The following NUBPL variants were observed in gnomAD, a reference collection of about 807,000 sequenced individuals.
NUBPL encodes NUBP iron-sulfur cluster assembly factor, mitochondrial, also known as iron-sulfur cluster transfer protein NUBPL.
NUBPL carries 31 observed loss-of-function variants against 45.7 expected under a neutral mutation model. The ratio of observed to expected loss-of-function variants is 0.68; its 90% CI spans 0.51 to 0.92. The LOEUF is 0.92. Among genes scored for constraint, NUBPL ranks in the 40% least tolerant of loss-of-function variants. The pLI, the probability that NUBPL is intolerant of heterozygous loss-of-function variation, is 0.00. For missense variants in NUBPL, 401 were observed against 398.7 expected (o/e 1.01, Z -0.05); for synonymous variants, 144 against 140.9 (o/e 1.02, Z -0.15).
intron 4 of NUBPL, among the ~76,000 whole-genome samples, chr14:31,614,593 A>G (rs769392582): frequency 6.6e-6 from 1 of 152,200 alleles, no homozygotes; most frequent in African/African-American, 2.4e-5. Flanking sequence ...AAATTATGAA[A>G]TTTGCTCTTA....
intron 4 of NUBPL, among the ~76,000 whole-genome samples, chr14:31,636,783 A>G (rs2035516431): frequency 6.6e-6 from 1 of 152,218 alleles, no homozygotes; most frequent in East Asian, 1.9e-4. Flanking sequence ...TTATTGGTCT[A>G]TTCAGAGATT....
intron 3 of NUBPL, among the ~76,000 whole-genome samples, chr14:31,592,683 A>G (rs1429936152): frequency 2.0e-5 from 3 of 152,048 alleles, no homozygotes; most frequent in Admixed American, 6.6e-5. Context: ...TATTATTATG[A>G]TCCTGCTGGT....
At chr14:31,811,835 T>C (rs1444359666) in intron 7 of NUBPL, among the ~76,000 whole-genome samples, 2 of 152,216 alleles carry the variant, frequency 1.3e-5, no homozygotes, top group Non-Finnish European at 2.9e-5. Flanking sequence ...ATGCTGATGC[T>C]ATTCCTTTCT....
At chr14:31,596,986 A>G (rs981673213) in intron 3 of NUBPL, among the ~76,000 whole-genome samples, 9 of 152,184 alleles carry the variant, frequency 5.9e-5, no homozygotes, top group Non-Finnish European at 1.3e-4. Flanking sequence ...TGATTTGTCC[A>G]TAGGGCTGGC....
intron 7 of NUBPL, among the ~76,000 whole-genome samples, chr14:31,790,654 A>T (rs1595630867): frequency 6.6e-6 from 1 of 151,784 alleles, no homozygotes; most frequent in East Asian, 2.0e-4. Context: ...GATCGAGACC[A>T]TCCTGGCTAA....
At chr14:31,821,898 C>G (rs1445112829) in intron 7 of NUBPL, among the ~76,000 whole-genome samples, 2 of 152,218 alleles carry the variant, frequency 1.3e-5, no homozygotes, top group African/African-American at 2.4e-5. Flanking sequence ...GTGGATGGAA[C>G]TGGATGCCAT....
chr14:31,749,901 C>T (rs1192029713), intron 6 of NUBPL, among the ~76,000 whole-genome samples: 1 of 151,964 alleles, frequency 6.6e-6, no homozygotes, highest in Non-Finnish European at 1.5e-5. Flanking sequence ...TTTTTATTCT[C>T]CTTTTTTGTT....
At chr14:31,837,766 A>G (rs2040305113) in intron 8 of NUBPL, among the ~76,000 whole-genome samples, 1 of 152,212 alleles carries the variant, frequency 6.6e-6, no homozygotes, top group Admixed American at 6.5e-5. Flanking sequence ...GGAAGAGGAT[A>G]TACAAATGAC....
At chr14:31,739,010 A>ATGTG (rs758682632) in intron 6 of NUBPL, among the ~76,000 whole-genome samples, 3 of 150,362 alleles carry the variant, frequency 2.0e-5, no homozygotes, top group Admixed American at 6.6e-5. Flanking sequence ...AGAGTTTTTT[A>ATGTG]TTTGTTTGTT....
chr14:31,561,584 C>T (rs1397009931), intron 1 of NUBPL, 37 bp downstream of exon 1: 18 of 1,282,728 alleles, frequency 1.4e-5, no homozygotes, highest in Non-Finnish European at 1.8e-5. Flanking sequence ...AGCGGGCTGA[C>T]AGATGCTGGG....
chr14:31,705,243 T>G (rs1347334902), intron 6 of NUBPL, among the ~76,000 whole-genome samples: 3 of 152,184 alleles, frequency 2.0e-5, no homozygotes, highest in Non-Finnish European at 4.4e-5. Flanking sequence ...CAGACCTTCA[T>G]GGTGAGTGTT....
chr14:31,805,307 A>G (rs1272736348), intron 7 of NUBPL, among the ~76,000 whole-genome samples: 1 of 152,186 alleles, frequency 6.6e-6, no homozygotes, highest in East Asian at 1.9e-4. Flanking sequence ...ACACTTATAC[A>G]CTGTTGGTGA....
intron 7 of NUBPL, among the ~76,000 whole-genome samples, chr14:31,805,897 G>A (rs1194879206): frequency 2.0e-5 from 3 of 150,372 alleles, no homozygotes; most frequent in East Asian, 1.9e-4. Flanking sequence ...ATGTAACCCC[G>A]AACCTAAAAT....
chr14:31,699,512 G>T (rs1352136829), intron 6 of NUBPL, among the ~76,000 whole-genome samples: 1 of 152,150 alleles, frequency 6.6e-6, no homozygotes, highest in Admixed American at 6.5e-5. Flanking sequence ...CTTGGGCAGG[G>T]TCCTACTTGT....
intron 4 of NUBPL, among the ~76,000 whole-genome samples, chr14:31,656,560 G>A (rs2139756910): frequency 6.6e-6 from 1 of 152,200 alleles, no homozygotes. Context: ...GTTGTCTGAA[G>A]GAATAGGGAG....
intron 4 of NUBPL, among the ~76,000 whole-genome samples, chr14:31,602,094 A>G (rs1223736554): frequency 2.0e-5 from 3 of 152,222 alleles, no homozygotes; most frequent in Non-Finnish European, 4.4e-5. Flanking sequence ...TTGTAGGGAC[A>G]TGGATGAAAC....
In NUBPL at chr14:31,657,551, C is replaced by T. The variant is rs145248195; in HGVS notation, c.383-15804C>T. Among the ~76,000 whole-genome samples the T allele has an allele frequency of 5.4e-4, 82 of 152,216 alleles. 1 individual carries two copies. The East Asian group carries it at 0.014, about 25-fold the overall frequency. ...TTGTCCTTCATTGGGTCTTTTTATG[C>T]AGGCAGTCATAATTTGGTCTTTTTA... On this transcript the variant is annotated intron_variant, in intron 4 of 10. Transcript: ENST00000281081.
chr14:31,814,898 C>T (rs915052160), intron 7 of NUBPL, among the ~76,000 whole-genome samples: 1 of 152,046 alleles, frequency 6.6e-6, no homozygotes, highest in Non-Finnish European at 1.5e-5. Flanking sequence ...TGGTCTGTAT[C>T]TCTGTTTTGG....
intron 4 of NUBPL, among the ~76,000 whole-genome samples, chr14:31,657,511 A>C (rs940250450): frequency 6.6e-6 from 1 of 152,058 alleles, no homozygotes; most frequent in Admixed American, 6.6e-5. Context: ...CTGTACCTCT[A>C]TTTATTTTCT....
Sources: allele counts gnomAD v4.1 joint callset (sites outside exome capture counted in the v4.1 genomes callset), GRCh38; gene constraint gnomAD v4.1.1; transcripts MANE v1.5; gene names NCBI Gene and HGNC (gene_info 2026-07-23, HGNC 2026-07-21).